The following ADORA2B variants were observed in gnomAD, a reference collection of about 807,000 sequenced individuals.
ADORA2B encodes the protein adenosine receptor A2b.
Under a neutral mutation model 20.8 loss-of-function variants are expected in ADORA2B, and 18 were observed. The ratio of observed to expected loss-of-function variants is 0.87; its 90% CI spans 0.60 to 1.29. ADORA2B has a LOEUF of 1.29. Among genes scored for constraint, ADORA2B ranks in the 50% most tolerant of loss-of-function variants. The pLI is 0.00. For missense variants in ADORA2B, 441 were observed against 422.7 expected (o/e 1.04, Z -0.38); for synonymous variants, 179 against 178.3 (o/e 1.00, Z -0.03).
upstream of ADORA2B, among the ~76,000 whole-genome samples, chr17:15,942,724 C>G (rs1042627741): frequency 1.3e-5 from 2 of 152,246 alleles, no homozygotes; most frequent in Non-Finnish European, 2.9e-5. Flanking sequence ...GGATATTGCT[C>G]TGACCATCCC....
chr17:15,896,968 G>C, the ADORA2B span, among the ~76,000 whole-genome samples: 1 of 152,210 alleles, frequency 6.6e-6, no homozygotes, highest in Admixed American at 6.5e-5. Flanking sequence ...AAACCTGCAA[G>C]GGAGAGAGAG....
At chr17:15,890,714 C>T in the ADORA2B span, among the ~76,000 whole-genome samples, 1 of 152,174 alleles carries the variant, frequency 6.6e-6, no homozygotes, top group Non-Finnish European at 1.5e-5. Flanking sequence ...ACAATATCCG[C>T]CTCCCAGTGC....
At chr17:15,868,384 T>C in the ADORA2B span, among the ~76,000 whole-genome samples, 8 of 138,586 alleles carry the variant, frequency 5.8e-5, 1 homozygote, top group Non-Finnish European at 1.3e-4. Context: ...AAAAAAAATG[T>C]CTTCTTTTGA....
At chr17:15,906,112 C>T in the ADORA2B span, among the ~76,000 whole-genome samples, 1 of 152,152 alleles carries the variant, frequency 6.6e-6, no homozygotes, top group Non-Finnish European at 1.5e-5. Flanking sequence ...CTTTTTCATG[C>T]CTTTTTGCAC....
chr17:15,885,195 T>C, the ADORA2B span, among the ~76,000 whole-genome samples: 1 of 152,216 alleles, frequency 6.6e-6, no homozygotes, highest in Non-Finnish European at 1.5e-5. Context: ...TTCATATGTT[T>C]CTCCGCCACG....
At chr17:15,957,327 G>A (rs1438258539) in intron 1 of ADORA2B, among the ~76,000 whole-genome samples, 1 of 152,208 alleles carries the variant, frequency 6.6e-6, no homozygotes, top group East Asian at 1.9e-4. Context: ...AGAAATGTGG[G>A]TAGTTAGGGC....
the ADORA2B span, among the ~76,000 whole-genome samples, chr17:15,927,390 G>C: frequency 3.3e-5 from 5 of 152,178 alleles, no homozygotes; most frequent in Admixed American, 1.3e-4. Context: ...GGCTGAGGCA[G>C]GAGAATCCCT....
chr17:15,874,042 G>GTATATA, the ADORA2B span, among the ~76,000 whole-genome samples: 5 of 134,824 alleles, frequency 3.7e-5, no homozygotes, highest in African/African-American at 1.3e-4. Context: ...ATATATATGT[G>GTATATA]TATATATATA....
rs1345349941 is a variant in ADORA2B, at chr17:15,975,493, A to ATATG, written c.*157_*160dup. 4 of 704,444 alleles carry ATATG rather than the reference A, an allele frequency of 5.7e-6. No individual in the cohort carries two copies. The African/African-American group carries it at 7.1e-5, about 13-fold the overall frequency. 43.6% of individuals were successfully genotyped at this position (704,444 alleles called of 1,614,324 possible). On this transcript the variant is annotated 3_prime_UTR_variant, in exon 2 of 2. Transcript: ENST00000304222. Reference sequence around the variant, plus strand: ...CCTGGAGCTACCACGTATCTAGCTAATATGTATGTGTCAGTAGTAGGCTCC... The same window carrying ATATG: ...CCTGGAGCTACCACGTATCTAGCTAATATGTATGTATGTGTCAGTAGTAGGCTCC...
the ADORA2B span, among the ~76,000 whole-genome samples, chr17:15,928,481 G>A: frequency 1.3e-5 from 2 of 152,084 alleles, no homozygotes; most frequent in Admixed American, 1.3e-4. Context: ...GGAGGCTGGC[G>A]GCTGAGGCGT....
upstream of ADORA2B, among the ~76,000 whole-genome samples, chr17:15,943,624 TGTC>T (rs1370699161): frequency 1.3e-5 from 2 of 152,240 alleles, no homozygotes; most frequent in African/African-American, 4.8e-5. Context: ...TGAGCCATGT[TGTC>T]GTCATTACAG....
At chr17:15,951,718 C>A (rs1404557027) in intron 1 of ADORA2B, among the ~76,000 whole-genome samples, 4 of 152,218 alleles carry the variant, frequency 2.6e-5, no homozygotes, top group Admixed American at 6.5e-5. Context: ...AAGGCCCTCT[C>A]CCTTCGGGGA....
the ADORA2B span, among the ~76,000 whole-genome samples, chr17:15,891,146 G>A: frequency 7.9e-5 from 12 of 152,156 alleles, no homozygotes; most frequent in African/African-American, 2.9e-4. Flanking sequence ...GGTGCCTGTA[G>A]TCCCAGCTAC....
chr17:15,933,963 ATTGAATACGCTATAT>A, the ADORA2B span, among the ~76,000 whole-genome samples: 1 of 152,102 alleles, frequency 6.6e-6, no homozygotes, highest in Non-Finnish European at 1.5e-5. Context: ...GTCTTTTATC[ATTGAATACGCTATAT>A]TAGCTTTGAG....
chr17:15,887,824 G>C, the ADORA2B span, among the ~76,000 whole-genome samples: 1 of 121,488 alleles, frequency 8.2e-6, no homozygotes, highest in Non-Finnish European at 1.7e-5. Context: ...GGTGGCGGGC[G>C]CCTGTGGTCC....
chr17:15,892,018 T>A, the ADORA2B span, among the ~76,000 whole-genome samples: 2 of 148,884 alleles, frequency 1.3e-5, no homozygotes, highest in African/African-American at 5.0e-5. Context: ...CCAGCTAATT[T>A]TTTTTTTTTT....
chr17:15,967,043 G>C (rs1473754546), intron 1 of ADORA2B, among the ~76,000 whole-genome samples: 5 of 152,190 alleles, frequency 3.3e-5, no homozygotes. Context: ...AGCACAGGGA[G>C]GGAGGCAGAG....
chr17:15,945,416 G>A lies in ADORA2B; in HGVS notation c.168G>A (p.Val56=), dbSNP rs746012947. Residue 56 remains valine (V), a synonymous_variant, in exon 1 of 2, where the codon GTG becomes GTA. Coordinates refer to ENST00000304222, the MANE Select transcript of ADORA2B (RefSeq NM_000676.4). ...LVSLAAADVA[V]GLFAIPFAIT... The stretch of plus-strand genomic sequence containing the variant: ...CCCTGGCTGCGGCCGACGTGGCCGT[G>A]GGGCTCTTCGCCATCCCCTTTGCCA... 7 of 1,613,418 alleles carry A rather than the reference G, an allele frequency of 4.3e-6. No homozygotes were observed. In the African/African-American group the frequency reaches 9.3e-5, roughly 22 times the overall value.
the ADORA2B span, among the ~76,000 whole-genome samples, chr17:15,885,998 G>A: frequency 2.6e-5 from 4 of 152,194 alleles, no homozygotes; most frequent in African/African-American, 7.2e-5. Context: ...AGTTCTTAGC[G>A]TGGCCAGTTG....
Sources: gnomAD v4.1 joint callset for allele counts (sites outside exome capture counted in the v4.1 genomes callset) on GRCh38, gnomAD v4.1.1 for gene constraint, MANE v1.5 for transcripts, NCBI Gene and HGNC (gene_info 2026-07-23, HGNC 2026-07-21) for gene names.